ANKS1B: variants seen among roughly 807,000 people sequenced by gnomAD.
ANKS1B encodes the protein ankyrin repeat and sterile alpha motif domain containing 1B, also known as ankyrin repeat and sterile alpha motif domain-containing protein 1B.
In ANKS1B, 36 loss-of-function variants were observed where a neutral mutation model predicts 148.3. The observed-to-expected ratio is 0.24, with a 90% CI of 0.19 to 0.32. ANKS1B has a LOEUF of 0.32. Among genes scored for constraint, ANKS1B ranks in the 10% least tolerant of loss-of-function variants. The pLI is 1.00. For synonymous variants in ANKS1B, 542 were observed against 560.8 expected, an observed-to-expected ratio of 0.97 and a Z score of 0.47; for missense variants, 1,157 against 1,542.6, an observed-to-expected ratio of 0.75 and a Z score of 4.19.
chr12:99,332,976 T>C (rs1213910482), intron 12 of ANKS1B, among the ~76,000 whole-genome samples: 1 of 151,914 alleles, frequency 6.6e-6, no homozygotes, highest in Non-Finnish European at 1.5e-5. Flanking sequence ...CACTTTGGGA[T>C]TGATCCTACA....
intron 17 of ANKS1B, among the ~76,000 whole-genome samples, chr12:98,953,536 G>GTTTTTTTT (rs1567984307): frequency 1.1e-5 from 1 of 94,356 alleles, no homozygotes; most frequent in African/African-American, 5.4e-5. Context: ...AATCTAGAGT[G>GTTTTTTTT]GTTTTTTTTT....
intron 8 of ANKS1B, among the ~76,000 whole-genome samples, chr12:99,772,428 A>G (rs553268310): frequency 1.3e-5 from 2 of 152,248 alleles, no homozygotes; most frequent in Non-Finnish European, 2.9e-5. Context: ...GAGCTTATCA[A>G]AGAGAAACCT....
chr12:99,333,495 A>C (rs1409735708), intron 12 of ANKS1B, among the ~76,000 whole-genome samples: 1 of 151,974 alleles, frequency 6.6e-6, no homozygotes, highest in Non-Finnish European at 1.5e-5. Flanking sequence ...TGTACCAATC[A>C]CTGGGTGAGA....
At chr12:99,348,560 G>A (rs2091032978) in intron 12 of ANKS1B, among the ~76,000 whole-genome samples, 1 of 151,764 alleles carries the variant, frequency 6.6e-6, no homozygotes, top group African/African-American at 2.4e-5. Context: ...CAAGAGAGAA[G>A]TAACTCATCA....
chr12:99,471,862 T>C (rs2152905643), intron 10 of ANKS1B, among the ~76,000 whole-genome samples: 1 of 152,242 alleles, frequency 6.6e-6, no homozygotes, highest in South Asian at 2.1e-4. Context: ...AAAACAGAGA[T>C]AAATTTACCC....
intron 10 of ANKS1B, among the ~76,000 whole-genome samples, chr12:99,481,806 C>T (rs2096414948): frequency 6.6e-6 from 1 of 151,892 alleles, no homozygotes; most frequent in Non-Finnish European, 1.5e-5. Context: ...TGTTTATTAG[C>T]TATTTGTATA....
At position 98,777,824 on chromosome 12, in the gene ANKS1B, C is replaced by T. The variant is rs1323835861; in HGVS notation, c.3441+3293G>A. Among the ~76,000 whole-genome samples, 3 of 152,144 alleles carry T rather than the reference C, an allele frequency of 2.0e-5. No individual in the cohort carries two copies. In the East Asian group the frequency reaches 5.8e-4, roughly 29 times the overall value. Reference sequence around the variant, plus strand: ...TTATTATAATCAAAGGAAAGAAATGCTTCACGGAGGGTTAATCTTTCACAA... The same window carrying T: ...TTATTATAATCAAAGGAAAGAAATGTTTCACGGAGGGTTAATCTTTCACAA... On this transcript the variant is annotated intron_variant, in intron 24 of 26. Coordinates refer to ENST00000683438, the MANE Select transcript of ANKS1B (RefSeq NM_001352186.2).
At chr12:99,668,832 A>AT (rs1174315331) in intron 8 of ANKS1B, among the ~76,000 whole-genome samples, 3 of 149,714 alleles carry the variant, frequency 2.0e-5, no homozygotes, top group Non-Finnish European at 3.0e-5. Context: ...TATTTTAGTC[A>AT]TTTTTTTCTC....
At chr12:99,107,965 T>C (rs1239344097) in intron 15 of ANKS1B, among the ~76,000 whole-genome samples, 1 of 152,206 alleles carries the variant, frequency 6.6e-6, no homozygotes, top group Non-Finnish European at 1.5e-5. Flanking sequence ...ATCCAGGATA[T>C]CTATATCTTT....
intron 25 of ANKS1B, among the ~76,000 whole-genome samples, chr12:98,762,154 A>C (rs998791348): frequency 6.6e-6 from 1 of 152,150 alleles, no homozygotes. Flanking sequence ...GTCTGATTGA[A>C]AAGTGTCTAT....
chr12:99,702,312 A>G (rs2054964823), intron 8 of ANKS1B, among the ~76,000 whole-genome samples: 1 of 152,092 alleles, frequency 6.6e-6, no homozygotes, highest in Admixed American at 6.6e-5. Flanking sequence ...ACCTTTTCAT[A>G]TACCTGTTGG....
At chr12:99,449,773 C>A (rs2095696749) in intron 10 of ANKS1B, among the ~76,000 whole-genome samples, 1 of 152,102 alleles carries the variant, frequency 6.6e-6, no homozygotes, top group Admixed American at 6.6e-5. Flanking sequence ...AGAGCAGTAT[C>A]TTTTAGCTAT....
At chr12:99,649,188 T>G in intron 9 of ANKS1B, 1 of 923,694 alleles carries the variant, frequency 1.1e-6, no homozygotes, top group Non-Finnish European at 1.7e-6. Flanking sequence ...CACAACATGT[T>G]TGTGTACTTG....
chr12:99,153,920 T>C (rs761314982), intron 15 of ANKS1B, among the ~76,000 whole-genome samples: 7 of 152,152 alleles, frequency 4.6e-5, no homozygotes, highest in African/African-American at 7.2e-5. Context: ...TGAAATAATA[T>C]AAGAATCAAG....
At chr12:98,766,970 TATTA>T (rs1347180849) in intron 25 of ANKS1B, among the ~76,000 whole-genome samples, 4 of 140,784 alleles carry the variant, frequency 2.8e-5, no homozygotes, top group Non-Finnish European at 6.1e-5. Flanking sequence ...CATGCCTGGC[TATTA>T]TTTATTAATT....
intron 17 of ANKS1B, among the ~76,000 whole-genome samples, chr12:98,959,445 G>A (rs1477273224): frequency 2.0e-5 from 3 of 152,110 alleles, no homozygotes; most frequent in African/African-American, 7.2e-5. Flanking sequence ...CCTTAGCTAA[G>A]ACTTACACAT....
At chr12:99,535,177 A>G (rs963959081) in intron 9 of ANKS1B, among the ~76,000 whole-genome samples, 2 of 152,212 alleles carry the variant, frequency 1.3e-5, no homozygotes, top group Non-Finnish European at 2.9e-5. Context: ...AGAAGACAAA[A>G]TAAGAATTAG....
chr12:99,772,214 G>C (rs1164434545), intron 8 of ANKS1B, among the ~76,000 whole-genome samples: 1 of 152,030 alleles, frequency 6.6e-6, no homozygotes, highest in Non-Finnish European at 1.5e-5. Flanking sequence ...CCCATGGCCT[G>C]ACCTCAATCT....
At chr12:99,419,320 T>C (rs971831439) in intron 11 of ANKS1B, among the ~76,000 whole-genome samples, 4 of 152,196 alleles carry the variant, frequency 2.6e-5, no homozygotes, top group African/African-American at 9.7e-5. Flanking sequence ...GTATTACATA[T>C]TGGGTAAATT....
Sources: gnomAD v4.1 joint callset for allele counts (sites outside exome capture counted in the v4.1 genomes callset) on GRCh38, gnomAD v4.1.1 for gene constraint, MANE v1.5 for transcripts, NCBI Gene and HGNC (gene_info 2026-07-23, HGNC 2026-07-21) for gene names.